The following PITPNM2 variants were observed in gnomAD, a reference collection of about 807,000 sequenced individuals.
PITPNM2 encodes the protein membrane-associated phosphatidylinositol transfer protein 2.
In PITPNM2, 35 loss-of-function variants were observed where a neutral mutation model predicts 132.2. The ratio of observed to expected loss-of-function variants is 0.26; its 90% CI spans 0.20 to 0.35. The LOEUF (loss-of-function observed/expected upper bound fraction) is 0.35, where lower values mean the gene tolerates loss of function less well. PITPNM2 is among the 10% of genes least tolerant of loss of function. The probability of loss-of-function intolerance (pLI) is 1.00; values close to 1 mark genes in which losing one functional copy is unlikely to be tolerated. For synonymous variants in PITPNM2, 738 were observed against 799.2 expected, an observed-to-expected ratio of 0.92 and a Z score of 1.29; for missense variants, 1,332 against 1,912.0, an observed-to-expected ratio of 0.70 and a Z score of 5.66.
Position 123,000,895 on chromosome 12 carries a change from C to G in PITPNM2, c.1154-47G>C, listed in dbSNP as rs768855667. ...GCTGTGAGCTGAGGGGCAGCCCAAC[C>G]TGGCCGACCGGACAGAGGCTGCAAC... On this transcript the variant is annotated intron_variant, in intron 9 of 25. Coordinates refer to ENST00000320201, the MANE Select transcript of PITPNM2 (RefSeq NM_020845.3). The surrounding 1 kb of genome is among the most constrained non-coding windows in gnomAD (Gnocchi z 5.4). 6.2e-7 allele frequency: 1 copy of G among 1,608,992 alleles called. No individual in the cohort carries two copies. The highest frequency in any genetic ancestry group is 8.5e-7 in the Non-Finnish European group (1 of 1,175,740).
At chr12:123,012,530 T>G (rs1190332981) in intron 5 of PITPNM2, 83 bp downstream of exon 5, 1 of 1,528,884 alleles carries the variant, frequency 6.5e-7, no homozygotes, top group Non-Finnish European at 9.0e-7. Flanking sequence ...CTACCAGGTG[T>G]GGGGAAAAGG....
At chr12:123,133,672 C>T (rs1358464102) in intron 1 of PITPNM2, among the ~76,000 whole-genome samples, 1 of 152,198 alleles carries the variant, frequency 6.6e-6, no homozygotes, top group Admixed American at 6.5e-5. Context: ...CAACCTCCTC[C>T]TCTTTCCCTG....
At chr12:123,132,256 T>C (rs1439613405) in intron 1 of PITPNM2, among the ~76,000 whole-genome samples, 1 of 152,212 alleles carries the variant, frequency 6.6e-6, no homozygotes, top group African/African-American at 2.4e-5. Context: ...TCATACGCAG[T>C]GACCAGACAT....
At chr12:123,066,556 G>C (rs2041422856) in intron 2 of PITPNM2, among the ~76,000 whole-genome samples, 1 of 152,190 alleles carries the variant, frequency 6.6e-6, no homozygotes, top group South Asian at 2.1e-4. Context: ...CAGACTGAGA[G>C]CTGGGAGACA....
intron 3 of PITPNM2, among the ~76,000 whole-genome samples, chr12:123,016,255 G>A (rs2039420487): frequency 6.6e-6 from 1 of 151,760 alleles, no homozygotes; most frequent in Non-Finnish European, 1.5e-5. Flanking sequence ...GAACCCAGGA[G>A]GCAGAGGTTG....
intron 2 of PITPNM2, among the ~76,000 whole-genome samples, chr12:123,094,171 G>A (rs2042345237): frequency 6.6e-6 from 1 of 152,250 alleles, no homozygotes; most frequent in Admixed American, 6.5e-5. Context: ...AGAGCCAGGT[G>A]ACACATTTCA....
At chr12:123,090,152 G>C (rs778129460) in intron 2 of PITPNM2, 7 of 152,220 alleles carry the variant, frequency 4.6e-5, no homozygotes, top group Non-Finnish European at 8.8e-5. Flanking sequence ...ATGTTGACCA[G>C]GGCTGCAGTC....
Position 123,004,495 on chromosome 12 carries a change from A to G in PITPNM2, c.953-6T>C. On this transcript the variant is annotated splice_region_variant and splice_polypyrimidine_tract_variant and intron_variant, in intron 7 of 25. Transcript: ENST00000320201. This position sits in a 1 kb window ranked among gnomAD's most constrained non-coding sequence, Gnocchi z 4.9. ...GCTGTGGCGGGAAGGACTCGCTGGA[A>G]GGCAAAACCCCAGATTGACCGCCAA... 6.2e-7 allele frequency: 1 copy of G among 1,613,536 alleles called. No homozygotes were observed. The highest frequency in any genetic ancestry group is 8.5e-7 in the Non-Finnish European group (1 of 1,179,922).
chr12:123,120,569 C>G (rs1035845923), intron 1 of PITPNM2, among the ~76,000 whole-genome samples: 3 of 152,190 alleles, frequency 2.0e-5, no homozygotes, highest in Non-Finnish European at 4.4e-5. Flanking sequence ...ACACCCTGGC[C>G]AGTGAGAGTG....
At chr12:123,074,712 C>T (rs989692291) in intron 2 of PITPNM2, among the ~76,000 whole-genome samples, 2 of 152,170 alleles carry the variant, frequency 1.3e-5, no homozygotes, top group Non-Finnish European at 2.9e-5. Flanking sequence ...AATCCCTTCC[C>T]TTTGGGCTGG....
At chr12:123,091,685 A>G (rs543627889) in intron 2 of PITPNM2, 1 of 152,334 alleles carries the variant, frequency 6.6e-6, no homozygotes, top group South Asian at 2.1e-4. Flanking sequence ...CAATGACATT[A>G]TGACTCCCAG....
At chr12:123,052,495 C>T (rs2040893875) in intron 2 of PITPNM2, among the ~76,000 whole-genome samples, 1 of 152,166 alleles carries the variant, frequency 6.6e-6, no homozygotes, top group Non-Finnish European at 1.5e-5. Context: ...TGGCGCAAGC[C>T]TGTAATCCTA....
rs533066721 is a variant in PITPNM2, at chr12:123,056,478, C to T, written c.-95-21793G>A. On this transcript the variant is annotated intron_variant, in intron 2 of 25. Transcript: ENST00000320201. ...CTTAGCATACAGGTATGTGGACGGCCACTGTGCTGGCTCACCTTGGACACT... is the reference window on the plus strand; with the variant it reads ...CTTAGCATACAGGTATGTGGACGGCTACTGTGCTGGCTCACCTTGGACACT... 2.4e-4 allele frequency among the ~76,000 whole-genome samples: 37 copies of T among 152,312 alleles called. No homozygotes were observed. In the South Asian group the frequency reaches 7.5e-3, roughly 31 times the overall value.
At position 123,096,783 on chromosome 12, in the gene PITPNM2, GAA is replaced by G. The variant is rs2042421348; in HGVS notation, c.-96+13600_-96+13601del. Among the ~76,000 whole-genome samples the G allele has an allele frequency of 2.0e-5, 3 of 152,282 alleles. No individual in the cohort carries two copies. The South Asian group carries it at 6.2e-4, about 32-fold the overall frequency. The stretch of plus-strand genomic sequence containing the variant: ...GAGGGATCCAGGCAGGGCAGAAGCA[GAA>G]AAAAGACACAGGAAGGTGGCTTGTG... On this transcript the variant is annotated intron_variant, in intron 2 of 25. Transcript: ENST00000320201.
At position 123,000,238 on chromosome 12, in the gene PITPNM2, G is replaced by C; in HGVS notation, c.1224+540C>G. 1.7e-6 allele frequency: 1 copy of C among 602,688 alleles called. No individual in the cohort carries two copies. Among genetic ancestry groups the C allele is most frequent in the South Asian group, 2.0e-5 (1 of 50,516 alleles). The allele number at this position is 602,688 out of a possible 1,614,324, so 37.3% of individuals were successfully genotyped here. A position where few individuals can be genotyped will look rare whatever the true frequency, so the allele number is the denominator to read the frequency against. On this transcript the variant is annotated intron_variant, in intron 10 of 25. Transcript: ENST00000320201. The surrounding 1 kb of genome is among the most constrained non-coding windows in gnomAD (Gnocchi z 5.4). ...CTGTCCCAGTGCAAACAGCTCTGAC[G>C]GCCCGCAGGTGGAGGAGGATGGGGC... is the stretch of plus-strand genomic sequence containing the variant.
intron 1 of PITPNM2, among the ~76,000 whole-genome samples, chr12:123,128,204 G>T (rs1358118716): frequency 7.3e-6 from 1 of 137,556 alleles, no homozygotes; most frequent in Non-Finnish European, 1.5e-5. Context: ...GGCCGAGGGG[G>T]ATCACTTAAG....
rs1241083565 is a variant in PITPNM2 at position 122,994,952 on chromosome 12, C to T, written c.2082G>A (p.Glu694=). 2 of 1,609,950 alleles carry T rather than the reference C, an allele frequency of 1.2e-6. No individual in the cohort carries two copies. The highest frequency in any genetic ancestry group is 1.7e-6 in the Non-Finnish European group (2 of 1,179,326). The part of the protein sequence containing the change: ...SSLHASVLRT[E]PCSRHSSSST... Reference sequence around the variant, plus strand: ...AGCTGCTGGAATGGCGTGAGCAGGGCTCAGTCCTCAGCACGCTGGCATGGA... The same window carrying T: ...AGCTGCTGGAATGGCGTGAGCAGGGTTCAGTCCTCAGCACGCTGGCATGGA... Residue 694 remains glutamate, a synonymous_variant, in exon 15 of 26, where the codon GAG becomes GAA. Coordinates refer to ENST00000320201, the MANE Select transcript of PITPNM2 (RefSeq NM_020845.3). This position sits in a 1 kb window ranked among gnomAD's most constrained non-coding sequence, Gnocchi z 5.4.
chr12:123,074,399 A>G (rs900772253), intron 2 of PITPNM2, among the ~76,000 whole-genome samples: 2 of 152,106 alleles, frequency 1.3e-5, no homozygotes, highest in Non-Finnish European at 2.9e-5. Context: ...TTCACTGCAC[A>G]CACTCTCACA....
intron 2 of PITPNM2, chr12:123,089,857 A>G (rs749944926): frequency 6.6e-6 from 1 of 152,212 alleles, no homozygotes; most frequent in Non-Finnish European, 1.5e-5. Context: ...CTGTGAGCCA[A>G]CAAGACCACA....
Sources: gnomAD v4.1 joint callset for allele counts (sites outside exome capture counted in the v4.1 genomes callset) on GRCh38, gnomAD v4.1.1 for gene constraint, Gnocchi (gnomAD v3.1) non-coding constraint, MANE v1.5 for transcripts, NCBI Gene and HGNC (gene_info 2026-07-23, HGNC 2026-07-21) for gene names.